The following ATXN1 variants were observed in gnomAD, a reference collection of about 807,000 sequenced individuals.
ATXN1 encodes ataxin-1.
A neutral mutation model predicts 56.4 loss-of-function variants in ATXN1; 8 were observed. That is an observed-to-expected ratio of 0.14 (90% CI 0.08 to 0.26). The LOEUF (loss-of-function observed/expected upper bound fraction) is 0.26, where lower values mean the gene tolerates loss of function less well. Ranked by LOEUF, ATXN1 falls within the 10% of genes least tolerant of loss-of-function variation. ATXN1 has a pLI of 1.00. For missense variants in ATXN1, 987 were observed against 1,106.5 expected, an observed-to-expected ratio of 0.89 and a Z score of 1.53; for synonymous variants, 514 against 494.6, an observed-to-expected ratio of 1.04 and a Z score of -0.52.
At position 16,301,085 on chromosome 6, in the gene ATXN1, C is replaced by T. The variant is rs371448274; in HGVS notation, c.*5244G>A. Reference sequence around the variant, plus strand: ...ACATGTAACTTTCAACCCTTCTCTGCTTTTTTTTTTTTACAAACAAAGTAT... The same window carrying T: ...ACATGTAACTTTCAACCCTTCTCTGTTTTTTTTTTTTTACAAACAAAGTAT... On this transcript the variant is annotated 3_prime_UTR_variant, in exon 8 of 8. Coordinates refer to ENST00000436367, the MANE Select transcript of ATXN1 (RefSeq NM_001128164.2). The T allele has an allele frequency of 1.2e-4, 17 of 146,470 alleles. No individual in the cohort carries two copies. Among genetic ancestry groups the T allele is most frequent in the African/African-American group, 4.0e-4 (16 of 40,128 alleles). The allele number at this position is 146,470 out of a possible 1,614,324, so 9.1% of individuals were successfully genotyped here.
At position 16,301,291 on chromosome 6, in the gene ATXN1, G is replaced by T. The variant is rs1484498136; in HGVS notation, c.*5038C>A. On this transcript the variant is annotated 3_prime_UTR_variant, in exon 8 of 8. Transcript: ENST00000436367. ...ACATTTAAAAAAAAATTCCCACAAG[G>T]TATAGTGCTACAAGAAAAGATCCTA... 2.0e-5 allele frequency: 3 copies of T among 152,476 alleles called. No individual in the cohort carries two copies. The highest frequency in any genetic ancestry group is 4.4e-5 in the Non-Finnish European group (3 of 68,026). The allele number at this position is 152,476 out of a possible 1,614,324, so 9.4% of individuals were successfully genotyped here. A position where few individuals can be genotyped will look rare whatever the true frequency, so the allele number is the denominator to read the frequency against.
chr6:16,584,642 A>G (rs928350549), intron 4 of ATXN1, among the ~76,000 whole-genome samples: 1 of 138,762 alleles, frequency 7.2e-6, no homozygotes, highest in East Asian at 2.0e-4. Context: ...GACCCCCCCC[A>G]CCCCCAAAAC....
intron 5 of ATXN1, among the ~76,000 whole-genome samples, chr6:16,516,056 C>T (rs2299087): frequency 0.19 from 29,562 of 152,034 alleles, 3,419 homozygotes; most frequent in African/African-American, 0.29. Flanking sequence ...TCTGGCAGGC[C>T]GGGGCTTTAG....
At chr6:16,632,680 C>CA (rs569879060) in intron 3 of ATXN1, among the ~76,000 whole-genome samples, 2 of 151,390 alleles carry the variant, frequency 1.3e-5, no homozygotes, top group Admixed American at 6.6e-5. Flanking sequence ...AAAAAAAATG[C>CA]AAAAAACAAG....
intron 5 of ATXN1, among the ~76,000 whole-genome samples, chr6:16,500,572 A>G (rs895926927): frequency 4.6e-5 from 7 of 152,070 alleles, no homozygotes; most frequent in African/African-American, 1.4e-4. Flanking sequence ...GTGAGTGTAC[A>G]TAAGTGTATG....
At position 16,644,031 on chromosome 6, in the gene ATXN1, G is replaced by A. The variant is rs193107342; in HGVS notation, c.-489+13745C>T. Among the ~76,000 whole-genome samples, 44 of 152,196 alleles carry A rather than the reference G, an allele frequency of 2.9e-4. No homozygotes were observed. In the East Asian group the frequency reaches 4.6e-3, roughly 16 times the overall value. On this transcript the variant is annotated intron_variant, in intron 3 of 7. Coordinates refer to ENST00000436367, the MANE Select transcript of ATXN1 (RefSeq NM_001128164.2). ...GGACAAATATTGTATGATTCCATGT[G>A]GTCCCTAAAATAAGAAACTTCATAG...
intron 2 of ATXN1, among the ~76,000 whole-genome samples, chr6:16,721,165 C>A (rs992670107): frequency 6.6e-6 from 1 of 152,162 alleles, no homozygotes; most frequent in Non-Finnish European, 1.5e-5. Context: ...ACACATTTCC[C>A]CAAATGTTCC....
chr6:16,388,277 T>C (rs897567714), intron 6 of ATXN1, among the ~76,000 whole-genome samples: 3 of 152,312 alleles, frequency 2.0e-5, no homozygotes, highest in South Asian at 2.1e-4. Context: ...GAACAGCTTA[T>C]TATGTGTATC....
chr6:16,579,580 T>G (rs1473192416), intron 4 of ATXN1, among the ~76,000 whole-genome samples: 1 of 148,894 alleles, frequency 6.7e-6, no homozygotes, highest in East Asian at 2.0e-4. Context: ...GTATCACATC[T>G]CCGTCAGTCA....
At position 16,637,240 on chromosome 6, in the gene ATXN1, G is replaced by A. The variant is rs1024054403; in HGVS notation, c.-489+20536C>T. Among the ~76,000 whole-genome samples the A allele has an allele frequency of 7.3e-5, 11 of 151,192 alleles. No homozygotes were observed. In the South Asian group the frequency reaches 8.3e-4, roughly 11 times the overall value. ...AAACCATCATTCTCAGCAAATTATC[G>A]CAAGGACAAAAAACCAAACACCGCA... On this transcript the variant is annotated intron_variant, in intron 3 of 7. Coordinates refer to ENST00000436367, the MANE Select transcript of ATXN1 (RefSeq NM_001128164.2).
chr6:16,628,731 C>T (rs1014539810), intron 3 of ATXN1, among the ~76,000 whole-genome samples: 2 of 152,142 alleles, frequency 1.3e-5, no homozygotes, highest in Non-Finnish European at 2.9e-5. Flanking sequence ...GTTTTTTGTT[C>T]CTGTGATAGT....
chr6:16,312,786 G>A (rs1158617277), intron 7 of ATXN1, among the ~76,000 whole-genome samples: 1 of 152,090 alleles, frequency 6.6e-6, no homozygotes, highest in Non-Finnish European at 1.5e-5. Flanking sequence ...ATGGTCCTCA[G>A]TCTCCTCGAT....
chr6:16,675,644 G>T (rs1172192746), intron 2 of ATXN1, among the ~76,000 whole-genome samples: 1 of 152,174 alleles, frequency 6.6e-6, no homozygotes, highest in Non-Finnish European at 1.5e-5. Context: ...ACTTTGGGAG[G>T]CTGAGGCTGG....
intron 6 of ATXN1, among the ~76,000 whole-genome samples, chr6:16,378,628 C>T (rs111417029): frequency 7.2e-4 from 109 of 152,096 alleles, no homozygotes; most frequent in South Asian, 3.5e-3. Context: ...GGTGCAATCA[C>T]GGCTCACCGC....
chr6:16,388,446 T>C (rs1449507596), intron 6 of ATXN1, among the ~76,000 whole-genome samples: 1 of 152,222 alleles, frequency 6.6e-6, no homozygotes, highest in Non-Finnish European at 1.5e-5. Context: ...ATCAGACATA[T>C]GGACTCTCCT....
At chr6:16,413,459 C>T (rs1044225853) in intron 6 of ATXN1, among the ~76,000 whole-genome samples, 2 of 152,018 alleles carry the variant, frequency 1.3e-5, no homozygotes, top group African/African-American at 4.8e-5. Context: ...CTTAGTTTGA[C>T]CTTTGTGCCG....
chr6:16,365,876 C>T (rs180706369), intron 6 of ATXN1, among the ~76,000 whole-genome samples: 53 of 152,326 alleles, frequency 3.5e-4, no homozygotes, highest in African/African-American at 1.2e-3. Flanking sequence ...ATATATTAAT[C>T]ATTTCCACTT....
At position 16,300,595 on chromosome 6, in the gene ATXN1, A is replaced by C. The variant is rs879663402; in HGVS notation, c.*5734T>G. The C allele has an allele frequency of 2.6e-5, 4 of 152,480 alleles. No individual in the cohort carries two copies. The highest frequency in any genetic ancestry group is 6.5e-5 in the Admixed American group (1 of 15,278). 9.4% of individuals were successfully genotyped at this position (152,480 alleles called of 1,614,324 possible). Reference sequence around the variant, plus strand: ...AAAAATCAAAATAAAACTAAAATAAAATGAGGCATTTACATTGAAATCATG... The same window carrying C: ...AAAAATCAAAATAAAACTAAAATAACATGAGGCATTTACATTGAAATCATG... On this transcript the variant is annotated 3_prime_UTR_variant, in exon 8 of 8. Transcript: ENST00000436367.
intron 2 of ATXN1, among the ~76,000 whole-genome samples, chr6:16,691,622 G>C (rs1341379014): frequency 6.6e-6 from 1 of 152,134 alleles, no homozygotes; most frequent in South Asian, 2.1e-4. Context: ...ACAATGTCAA[G>C]AAAACATGTT....
Sources: gnomAD v4.1 joint callset for allele counts (sites outside exome capture counted in the v4.1 genomes callset) on GRCh38, gnomAD v4.1.1 for gene constraint, MANE v1.5 for transcripts, NCBI Gene and HGNC (gene_info 2026-07-23, HGNC 2026-07-21) for gene names.